MBOAT2: variants seen among roughly 807,000 people sequenced by gnomAD.
MBOAT2 encodes the protein membrane-bound glycerophospholipid O-acyltransferase 2.
Under a neutral mutation model 63.4 loss-of-function variants are expected in MBOAT2, and 28 were observed. The ratio of observed to expected loss-of-function variants is 0.44; its 90% CI spans 0.33 to 0.61. The LOEUF (loss-of-function observed/expected upper bound fraction) is 0.61. Ranked by LOEUF, MBOAT2 falls within the 20% of genes least tolerant of loss-of-function variation. The pLI is 0.03. For missense variants in MBOAT2, 470 were observed against 605.8 expected (o/e 0.78, Z 2.35); for synonymous variants, 211 against 215.6 (o/e 0.98, Z 0.19).
At chr2:8,965,538 G>C (rs1669919686) in intron 1 of MBOAT2, among the ~76,000 whole-genome samples, 2 of 151,902 alleles carry the variant, frequency 1.3e-5, no homozygotes, top group Non-Finnish European at 2.9e-5. Context: ...TTAACATGTG[G>C]TTAAAAAATA....
At chr2:8,897,253 CTT>C (rs1467139640) in intron 4 of MBOAT2, among the ~76,000 whole-genome samples, 1 of 152,188 alleles carries the variant, frequency 6.6e-6, no homozygotes, top group African/African-American at 2.4e-5. Context: ...CATCCTCTCT[CTT>C]TCTCTGACTT....
intron 6 of MBOAT2, among the ~76,000 whole-genome samples, chr2:8,881,441 G>A (rs570297690): frequency 1.3e-5 from 2 of 152,194 alleles, no homozygotes; most frequent in South Asian, 4.2e-4. Context: ...TTTTAAATTG[G>A]GGTAATAAAT....
intron 4 of MBOAT2, among the ~76,000 whole-genome samples, chr2:8,892,766 T>C (rs546898895): frequency 1.6e-3 from 239 of 151,768 alleles, no homozygotes; most frequent in Non-Finnish European, 2.6e-3. Context: ...AGGCCTGGGG[T>C]AAAAATATTC....
chr2:8,884,587 ATGTTAATAGCCT>A (rs1663409238), intron 5 of MBOAT2, among the ~76,000 whole-genome samples: 1 of 152,018 alleles, frequency 6.6e-6, no homozygotes, highest in Non-Finnish European at 1.5e-5. Flanking sequence ...GGCAAGTGAC[ATGTTAATAGCCT>A]TCTTTGTGAT....
intron 6 of MBOAT2, 47 bp downstream of exon 6, chr2:8,882,464 G>C: frequency 6.3e-7 from 1 of 1,589,458 alleles, no homozygotes; most frequent in Non-Finnish European, 8.6e-7. Flanking sequence ...GTGGGTCCTA[G>C]GCAGGGGCGC....
intron 3 of MBOAT2, among the ~76,000 whole-genome samples, chr2:8,930,062 A>G (rs1240767405): frequency 6.6e-6 from 1 of 152,220 alleles, no homozygotes; most frequent in African/African-American, 2.4e-5. Context: ...TCTATGTCCC[A>G]GTTCCAATTC....
At chr2:8,887,604 T>C (rs1374268283) in intron 5 of MBOAT2, among the ~76,000 whole-genome samples, 2 of 152,124 alleles carry the variant, frequency 1.3e-5, no homozygotes, top group African/African-American at 4.8e-5. Context: ...ATATTTCTAA[T>C]AAAAATACAT....
rs1436011949 is a variant in MBOAT2 at position 8,862,196 on chromosome 2, C to T, written c.1185+394G>A. ...TGTGGCTCATCCACTGTCTTGGCCT[C>T]GCACAGCCTAGTCTTCATCTGAGAG... is the stretch of plus-strand genomic sequence containing the variant. On this transcript the variant is annotated intron_variant, in intron 11 of 12. Transcript: ENST00000305997. The surrounding 1 kb of genome is among the most constrained non-coding windows in gnomAD (Gnocchi z 4.3). 2 of 884,012 alleles carry T rather than the reference C, an allele frequency of 2.3e-6. No homozygotes were observed. The highest frequency in any genetic ancestry group is 3.0e-6 in the Non-Finnish European group (2 of 656,602). The allele number at this position is 884,012 out of a possible 1,614,324, so 54.8% of individuals were successfully genotyped here.
intron 6 of MBOAT2, among the ~76,000 whole-genome samples, chr2:8,880,709 C>G (rs1663053750): frequency 6.6e-6 from 1 of 152,004 alleles, no homozygotes; most frequent in African/African-American, 2.4e-5. Context: ...AGAGAAAGAG[C>G]CAGTGAAGGA....
intron 12 of MBOAT2, 140 bp downstream of exon 12, chr2:8,860,473 G>C (rs534043329): frequency 2.3e-5 from 19 of 820,428 alleles, no homozygotes; most frequent in South Asian, 1.5e-4. Flanking sequence ...GCTTGGTTCA[G>C]AATTAAAAAG....
chr2:8,998,878 A>G (rs917616539), intron 1 of MBOAT2, among the ~76,000 whole-genome samples: 1 of 152,184 alleles, frequency 6.6e-6, no homozygotes. Flanking sequence ...GACCTTTTTT[A>G]TTCAAATGGT....
intron 9 of MBOAT2, among the ~76,000 whole-genome samples, chr2:8,868,004 G>A (rs1348304444): frequency 6.6e-6 from 1 of 152,102 alleles, no homozygotes; most frequent in Non-Finnish European, 1.5e-5. Context: ...CCTAAACTAT[G>A]AAGCAACATG....
At chr2:8,980,578 T>C (rs944035481) in intron 1 of MBOAT2, among the ~76,000 whole-genome samples, 2 of 152,142 alleles carry the variant, frequency 1.3e-5, no homozygotes, top group Non-Finnish European at 1.5e-5. Context: ...CAGAGCCCAC[T>C]GGGAGAGGTC....
intron 9 of MBOAT2, among the ~76,000 whole-genome samples, chr2:8,865,518 T>C (rs187554046): frequency 6.6e-6 from 1 of 152,192 alleles, no homozygotes; most frequent in African/African-American, 2.4e-5. Flanking sequence ...CTCCTTCAAC[T>C]GTAGGAGAAG....
intron 1 of MBOAT2, among the ~76,000 whole-genome samples, chr2:8,990,210 G>C (rs1219091357): frequency 6.6e-6 from 1 of 152,152 alleles, no homozygotes; most frequent in Non-Finnish European, 1.5e-5. Flanking sequence ...TCCTTAACTA[G>C]AAGTTGCACC....
At chr2:8,936,982 T>C (rs944129718) in intron 3 of MBOAT2, among the ~76,000 whole-genome samples, 3 of 152,178 alleles carry the variant, frequency 2.0e-5, no homozygotes, top group Non-Finnish European at 4.4e-5. Flanking sequence ...TAATTCCAAT[T>C]AGGTACGCCT....
chr2:8,919,812 G>A (rs1028260747), intron 3 of MBOAT2, among the ~76,000 whole-genome samples: 8 of 152,090 alleles, frequency 5.3e-5, no homozygotes, highest in Non-Finnish European at 1.0e-4. Flanking sequence ...CTGGAGCACA[G>A]TGGTACAATC....
At chr2:8,918,779 T>C (rs146529038) in intron 3 of MBOAT2, among the ~76,000 whole-genome samples, 34 of 152,308 alleles carry the variant, frequency 2.2e-4, no homozygotes, top group African/African-American at 7.9e-4. Flanking sequence ...TTTATTGAGG[T>C]ATAATTCACA....
chr2:8,968,288 G>A (rs754518747), intron 1 of MBOAT2, among the ~76,000 whole-genome samples: 1 of 152,242 alleles, frequency 6.6e-6, no homozygotes, highest in Non-Finnish European at 1.5e-5. Flanking sequence ...TGGACCTCCA[G>A]CAAACTCCAA....
Sources: gnomAD v4.1 joint callset for allele counts (sites outside exome capture counted in the v4.1 genomes callset) on GRCh38, gnomAD v4.1.1 for gene constraint, Gnocchi (gnomAD v3.1) non-coding constraint, MANE v1.5 for transcripts, NCBI Gene and HGNC (gene_info 2026-07-23, HGNC 2026-07-21) for gene names.